Variants in AKAP13 observed in about 807,000 individuals in gnomAD.
AKAP13 encodes the protein A-kinase anchoring protein 13, also known as A-kinase anchor protein 13.
Under a neutral mutation model 264.5 loss-of-function variants are expected in AKAP13, and 80 were observed. The observed-to-expected ratio is 0.30, with a 90% confidence interval of 0.25 to 0.36. The LOEUF (loss-of-function observed/expected upper bound fraction) is 0.36. Ranked by LOEUF, AKAP13 falls within the 10% of genes least tolerant of loss-of-function variation. The pLI is 1.00. For missense variants in AKAP13, 3,712 were observed against 3,435.2 expected, an observed-to-expected ratio of 1.08 and a Z score of -2.01; for synonymous variants, 1,380 against 1,250.2, an observed-to-expected ratio of 1.10 and a Z score of -2.19.
intron 10 of AKAP13, 137 bp downstream of exon 10, chr15:85,646,091 G>A: frequency 8.8e-7 from 1 of 1,137,714 alleles, no homozygotes; most frequent in Non-Finnish European, 1.2e-6. Flanking sequence ...CTAGTAAGTT[G>A]TGATCCAGCT....
chr15:85,606,902 C>G (rs1156373061), intron 8 of AKAP13, among the ~76,000 whole-genome samples: 1 of 152,104 alleles, frequency 6.6e-6, no homozygotes, highest in Non-Finnish European at 1.5e-5. Flanking sequence ...GCTCTTTACC[C>G]CAATGGGTCA....
At chr15:85,716,065 G>C in intron 20 of AKAP13, 142 bp downstream of exon 20, 2 of 1,072,302 alleles carry the variant, frequency 1.9e-6, no homozygotes, top group Non-Finnish European at 2.5e-6. Flanking sequence ...AGGACGATGG[G>C]GATTATGTTT....
chr15:85,720,836 G>C (rs2087239886), intron 23 of AKAP13, among the ~76,000 whole-genome samples: 1 of 152,194 alleles, frequency 6.6e-6, no homozygotes, highest in Admixed American at 6.5e-5. Flanking sequence ...TTAAATGCCA[G>C]GTAGAACTAC....
chr15:85,555,039 A>G (rs1345022743), intron 5 of AKAP13, among the ~76,000 whole-genome samples: 1 of 150,024 alleles, frequency 6.7e-6, no homozygotes, highest in Non-Finnish European at 1.5e-5. Context: ...TCCCCCCCAA[A>G]AAAAGGAAGG....
At chr15:85,443,772 AG>A (rs1290935030) in intron 1 of AKAP13, among the ~76,000 whole-genome samples, 161 of 146,044 alleles carry the variant, frequency 1.1e-3, no homozygotes, top group African/African-American at 3.0e-3. Context: ...AAAAAAAAAA[AG>A]TGTGTGTGTG....
At chr15:85,709,658 GA>G (rs1452242719) in intron 18 of AKAP13, among the ~76,000 whole-genome samples, 2 of 109,446 alleles carry the variant, frequency 1.8e-5, no homozygotes, top group East Asian at 6.6e-4. Context: ...CTAAAAGGGG[GA>G]ATTTTATTTT....
intron 1 of AKAP13, among the ~76,000 whole-genome samples, chr15:85,456,816 C>G (rs1035510567): frequency 2.0e-5 from 3 of 152,146 alleles, no homozygotes; most frequent in Admixed American, 6.5e-5. Flanking sequence ...CAGCTTTTCT[C>G]TCCAACATGG....
At chr15:85,733,991 C>G (rs1479359662) in intron 30 of AKAP13, among the ~76,000 whole-genome samples, 1 of 150,456 alleles carries the variant, frequency 6.6e-6, no homozygotes, top group African/African-American at 2.4e-5. Flanking sequence ...TGGGCATGCA[C>G]CACCATGCCC....
At chr15:85,594,869 G>T (rs2079740004) in intron 8 of AKAP13, among the ~76,000 whole-genome samples, 1 of 152,138 alleles carries the variant, frequency 6.6e-6, no homozygotes, top group Non-Finnish European at 1.5e-5. Flanking sequence ...ACCACCAGAA[G>T]AGTAAATGTG....
chr15:85,653,771 C>T (rs1435066453), intron 10 of AKAP13, among the ~76,000 whole-genome samples: 2 of 152,110 alleles, frequency 1.3e-5, no homozygotes, highest in Non-Finnish European at 2.9e-5. Flanking sequence ...CTTCCCTGTT[C>T]CCTGCCCCCA....
chr15:85,477,712 C>G (rs573570993), intron 1 of AKAP13, among the ~76,000 whole-genome samples: 2 of 150,452 alleles, frequency 1.3e-5, no homozygotes, highest in African/African-American at 4.9e-5. Flanking sequence ...TCTTTTTTCC[C>G]CATTTAGCTG....
chr15:85,737,000 C>G (rs2088581005), intron 33 of AKAP13, among the ~76,000 whole-genome samples: 1 of 143,588 alleles, frequency 7.0e-6, no homozygotes, highest in Non-Finnish European at 1.5e-5. Flanking sequence ...CTCACTGCAA[C>G]CTCCATCTCC....
intron 18 of AKAP13, among the ~76,000 whole-genome samples, chr15:85,709,965 G>A (rs1224231225): frequency 6.6e-6 from 1 of 152,126 alleles, no homozygotes; most frequent in Non-Finnish European, 1.5e-5. Context: ...TGGGATTACA[G>A]GTGTGAGTCA....
At chr15:85,560,398 C>T (rs1343173339) in intron 5 of AKAP13, among the ~76,000 whole-genome samples, 1 of 152,146 alleles carries the variant, frequency 6.6e-6, no homozygotes, top group African/African-American at 2.4e-5. Context: ...CTTCTCACCT[C>T]AGCCTCCCAA....
chr15:85,437,253 T>C (rs1275755685), intron 1 of AKAP13, among the ~76,000 whole-genome samples: 1 of 149,852 alleles, frequency 6.7e-6, no homozygotes, highest in Admixed American at 6.6e-5. Flanking sequence ...ACATACACTC[T>C]CCCAAGACTA....
At chr15:85,534,496 A>C (rs575187045) in intron 4 of AKAP13, 1 of 152,044 alleles carries the variant, frequency 6.6e-6, no homozygotes. Context: ...GTGCAGTGGC[A>C]TGATCTCGGC....
chr15:85,586,741 C>T (rs2079371135), intron 8 of AKAP13, among the ~76,000 whole-genome samples: 1 of 152,000 alleles, frequency 6.6e-6, no homozygotes, highest in African/African-American at 2.4e-5. Flanking sequence ...GCCCGACCAA[C>T]ATGGTGAAAC....
rs980226986 is a variant in AKAP13 at position 85,593,792 on chromosome 15, TTC to T, written c.4161+7973_4161+7974del. On this transcript the variant is annotated intron_variant, in intron 8 of 36. Transcript: ENST00000394518. ...CTTTCTGTCTACTACTTACACTCAT[TTC>T]TCTTTTGTTCATTCGTATTATATTG... is the stretch of plus-strand genomic sequence containing the variant. 5.6e-4 allele frequency among the ~76,000 whole-genome samples: 51 copies of T among 91,594 alleles called. 1 individual carries two copies. The highest frequency in any genetic ancestry group is 2.0e-3 in the African/African-American group (51 of 25,468). 60.1% of individuals were successfully genotyped at this position (91,594 alleles called of 152,430 possible).
intron 8 of AKAP13, among the ~76,000 whole-genome samples, chr15:85,588,760 C>T (rs2079461571): frequency 6.6e-6 from 1 of 152,176 alleles, no homozygotes; most frequent in South Asian, 2.1e-4. Context: ...TGGAGAGTCA[C>T]ATGACTAGCT....
Sources: allele counts gnomAD v4.1 joint callset (sites outside exome capture counted in the v4.1 genomes callset), GRCh38; gene constraint gnomAD v4.1.1; transcripts MANE v1.5; gene names NCBI Gene and HGNC (gene_info 2026-07-23, HGNC 2026-07-21).